NEMF: variants seen among roughly 807,000 people sequenced by gnomAD.
NEMF encodes nuclear export mediator factor, also known as ribosome quality control complex subunit NEMF.
In NEMF, 89 loss-of-function variants were observed where a neutral mutation model predicts 162.2. The observed-to-expected ratio is 0.55, with a 90% CI of 0.46 to 0.65. The LOEUF is 0.65. NEMF is among the 30% of genes least tolerant of loss of function. NEMF has a pLI of 0.00. For synonymous variants in NEMF, 421 were observed against 404.5 expected (o/e 1.04, Z -0.49); for missense variants, 1,133 against 1,261.9 (o/e 0.90, Z 1.55).
At chr14:49,841,925 G>C (rs149451334) in intron 4 of NEMF, among the ~76,000 whole-genome samples, 241 of 152,216 alleles carry the variant, frequency 1.6e-3, no homozygotes, top group African/African-American at 4.8e-3. Context: ...GACCAACATG[G>C]AGAAACCCCG....
Position 49,840,652 on chromosome 14 carries a change from G to A in NEMF, c.506+66C>T. ...TTTTACCTTTTTTTTAAGAGACAGG[G>A]TCTCATTATGTTGCCCAGTACATTT... On this transcript the variant is annotated intron_variant, in intron 5 of 32. Coordinates refer to ENST00000298310, the MANE Select transcript of NEMF (RefSeq NM_004713.6). 3 of 1,371,332 alleles carry A rather than the reference G, an allele frequency of 2.2e-6. No individual in the cohort carries two copies. The African/African-American group carries it at 4.4e-5, about 20-fold the overall frequency. The allele number at this position is 1,371,332 out of a possible 1,614,324, so 84.9% of individuals were successfully genotyped here.
rs756471492 is a variant in NEMF at position 49,828,621 on chromosome 14, G to A, written c.1419C>T (p.Ala473=). The change falls in exon 14 of 33, where the codon GCC becomes GCT. Residue 473 remains alanine, a synonymous_variant. Coordinates refer to ENST00000298310, the MANE Select transcript of NEMF (RefSeq NM_004713.6). ...VDLSLSAYAN[A]KKYYDHKRYA... is the part of the protein sequence containing the mutation. ...TGTAAAGTTAAATGACTTACTTTTTGGCATTGGCATATGCTGACAAGCTGA... is the reference window on the plus strand; with the variant it reads ...TGTAAAGTTAAATGACTTACTTTTTAGCATTGGCATATGCTGACAAGCTGA... 1 of 1,547,674 alleles carries A rather than the reference G, an allele frequency of 6.5e-7. No individual in the cohort carries two copies. The highest frequency in any genetic ancestry group is 1.3e-5 in the South Asian group (1 of 78,850).
chr14:49,827,139 A>C (rs1274534106), intron 15 of NEMF, among the ~76,000 whole-genome samples: 1 of 152,200 alleles, frequency 6.6e-6, no homozygotes, highest in African/African-American at 2.4e-5. Flanking sequence ...AATTGTATTA[A>C]GATGGGAAGC....
chr14:49,797,244 A>G (rs1006906566), intron 25 of NEMF: 4 of 151,058 alleles, frequency 2.6e-5, no homozygotes, highest in African/African-American at 9.7e-5. Flanking sequence ...GGAGTGCTTT[A>G]GTTTGCTTAG....
At chr14:49,839,901 T>G (rs769088944) in intron 5 of NEMF, 4 of 152,190 alleles carry the variant, frequency 2.6e-5, no homozygotes, top group Non-Finnish European at 5.9e-5. Context: ...CGCTCATACC[T>G]GTAACTCCAA....
At chr14:49,840,488 T>A (rs1278531044) in intron 5 of NEMF, among the ~76,000 whole-genome samples, 12 of 150,966 alleles carry the variant, frequency 7.9e-5, no homozygotes, top group African/African-American at 2.9e-4. Context: ...CCTAAGGACA[T>A]ACATTTGCCT....
Position 49,782,097 on chromosome 14 carries a change from T to C in NEMF, c.*2539A>G. ...TACTACTCAGCTCCCATACGATTTT[T>C]ATTGCTAACAAAGACCTAGAGAACA... is the stretch of plus-strand genomic sequence containing the variant. On this transcript the variant is annotated 3_prime_UTR_variant, in exon 33 of 33. Coordinates refer to ENST00000298310, the MANE Select transcript of NEMF (RefSeq NM_004713.6). The C allele has an allele frequency of 2.6e-6, 1 of 385,202 alleles. No individual in the cohort carries two copies. The highest frequency in any genetic ancestry group is 4.2e-5 in the East Asian group (1 of 24,034). 23.9% of individuals were successfully genotyped at this position (385,202 alleles called of 1,614,324 possible). A position where few individuals can be genotyped will look rare whatever the true frequency, so the allele number is the denominator to read the frequency against.
chr14:49,787,477 G>A (rs1184856222), intron 28 of NEMF, among the ~76,000 whole-genome samples: 1 of 152,178 alleles, frequency 6.6e-6, no homozygotes, highest in East Asian at 1.9e-4. Flanking sequence ...CTTGAGCCCA[G>A]GAGTTCGACA....
chr14:49,804,474 A>G (rs2139868484), intron 19 of NEMF, among the ~76,000 whole-genome samples: 1 of 151,872 alleles, frequency 6.6e-6, no homozygotes, highest in Non-Finnish European at 1.5e-5. Context: ...TCAGGAGTTC[A>G]AGACCAGCCT....
In NEMF at chr14:49,825,416, C is replaced by T. The variant is rs570003133; in HGVS notation, c.1577+451G>A. ...TAAAAGAGCTAAAAGTGGTTTCCTTCGGAGAGCAGGCAATAGGAGTAAAGG... is the reference window on the plus strand; with the variant it reads ...TAAAAGAGCTAAAAGTGGTTTCCTTTGGAGAGCAGGCAATAGGAGTAAAGG... On this transcript the variant is annotated intron_variant, in intron 16 of 32. Coordinates refer to ENST00000298310, the MANE Select transcript of NEMF (RefSeq NM_004713.6). 2.6e-4 allele frequency among the ~76,000 whole-genome samples: 39 copies of T among 152,218 alleles called. No individual in the cohort carries two copies. In the South Asian group the frequency reaches 7.3e-3, roughly 28 times the overall value.
chr14:49,808,508 C>T (rs1891325894), intron 18 of NEMF, among the ~76,000 whole-genome samples: 1 of 152,042 alleles, frequency 6.6e-6, no homozygotes, highest in Non-Finnish European at 1.5e-5. Context: ...TCTAACTTAC[C>T]TGTTTTTTGT....
rs374322095 is a variant in NEMF at position 49,788,907 on chromosome 14, A to G, written c.2895+239T>C. 2.7e-3 allele frequency among the ~76,000 whole-genome samples: 413 copies of G among 152,202 alleles called. 3 individuals carry two copies. The highest frequency in any genetic ancestry group is 9.7e-3 in the African/African-American group (403 of 41,530). On this transcript the variant is annotated intron_variant, in intron 28 of 32. Transcript: ENST00000298310. ...CCATCAGAATCAAAGCCTCTCCTTA[A>G]AACTGATTACTTCCTAAAGGCTTGT...
chr14:49,845,033 T>G (rs894417128), intron 4 of NEMF, among the ~76,000 whole-genome samples: 1 of 151,856 alleles, frequency 6.6e-6, no homozygotes, highest in Non-Finnish European at 1.5e-5. Context: ...CCTCCCAAAG[T>G]GCTGGGATTA....
At chr14:49,822,313 A>G (rs556378935) in intron 16 of NEMF, among the ~76,000 whole-genome samples, 8 of 151,648 alleles carry the variant, frequency 5.3e-5, no homozygotes, top group African/African-American at 1.9e-4. Context: ...AAATAAAAAT[A>G]AAAGAATGAT....
chr14:49,846,943 T>G lies in NEMF; in HGVS notation c.232-678A>C, dbSNP rs533148349. Reference sequence around the variant, plus strand: ...CTCTGTCGCCCAGACTGGAATGCAGTGGCACAGTCTCAGCTCACTGCAACC... The same window carrying G: ...CTCTGTCGCCCAGACTGGAATGCAGGGGCACAGTCTCAGCTCACTGCAACC... On this transcript the variant is annotated intron_variant, in intron 3 of 32. Transcript: ENST00000298310. Among the ~76,000 whole-genome samples the G allele has an allele frequency of 8.5e-5, 13 of 152,366 alleles. No homozygotes were observed. The South Asian group carries it at 2.7e-3, about 32-fold the overall frequency.
At chr14:49,814,458 A>C (rs552136696) in intron 17 of NEMF, among the ~76,000 whole-genome samples, 1 of 152,218 alleles carries the variant, frequency 6.6e-6, no homozygotes, top group Non-Finnish European at 1.5e-5. Context: ...CACTACAGTA[A>C]GCTTTTAAAA....
chr14:49,827,084 G>C (rs1456756035), intron 15 of NEMF, among the ~76,000 whole-genome samples: 1 of 152,150 alleles, frequency 6.6e-6, no homozygotes, highest in Non-Finnish European at 1.5e-5. Flanking sequence ...AGGTCAGAGG[G>C]GAGGAGATCT....
chr14:49,822,149 A>T (rs1017031421), intron 16 of NEMF, among the ~76,000 whole-genome samples: 1 of 152,056 alleles, frequency 6.6e-6, no homozygotes, highest in East Asian at 1.9e-4. Flanking sequence ...CCCAATCTCA[A>T]GTACCTAGGG....
rs1317111482 is a variant in NEMF, at chr14:49,791,720, G to A, written c.2620-2147C>T. Among the ~76,000 whole-genome samples, 73 of 134,386 alleles carry A rather than the reference G, an allele frequency of 5.4e-4. 1 individual carries two copies. The highest frequency in any genetic ancestry group is 2.0e-3 in the African/African-American group (71 of 35,358). 88.2% of individuals were successfully genotyped at this position (134,386 alleles called of 152,430 possible). A position where few individuals can be genotyped will look rare whatever the true frequency, so the allele number is the denominator to read the frequency against. ...CCACCGCACTCCAGCCTGGGCAACA[G>A]AGCGAGACTCCATTTAAAAAAAAAA... is the stretch of plus-strand genomic sequence containing the variant. On this transcript the variant is annotated intron_variant, in intron 26 of 32. Coordinates refer to ENST00000298310, the MANE Select transcript of NEMF (RefSeq NM_004713.6).
Sources: allele counts gnomAD v4.1 joint callset (sites outside exome capture counted in the v4.1 genomes callset), GRCh38; gene constraint gnomAD v4.1.1; transcripts MANE v1.5; gene names NCBI Gene and HGNC (gene_info 2026-07-23, HGNC 2026-07-21).